DCDC2C: variants seen among roughly 807,000 people sequenced by gnomAD.
DCDC2C encodes doublecortin domain containing 2C.
A neutral mutation model predicts 45.0 loss-of-function variants in DCDC2C; 44 were observed. That is an observed-to-expected ratio of 0.98 (90% CI 0.77 to 1.26). DCDC2C has a LOEUF of 1.26. DCDC2C is among the 50% of genes most tolerant of loss of function. DCDC2C has a pLI of 0.00. For synonymous variants in DCDC2C, 187 were observed against 178.8 expected (o/e 1.05, Z -0.37); for missense variants, 447 against 468.9 (o/e 0.95, Z 0.43).
intron 8 of DCDC2C, among the ~76,000 whole-genome samples, chr2:3,773,544 G>A (rs1670244354): frequency 6.6e-6 from 1 of 152,106 alleles, no homozygotes; most frequent in Non-Finnish European, 1.5e-5. Context: ...CTTACAATCT[G>A]TGCAAAAAAG....
chr2:3,773,261 C>G (rs1463132920), intron 8 of DCDC2C, among the ~76,000 whole-genome samples: 1 of 151,892 alleles, frequency 6.6e-6, no homozygotes, highest in Non-Finnish European at 1.5e-5. Context: ...TTTTTTCCCT[C>G]CTAGGCTGCA....
At chr2:3,805,334 G>A (rs1481511991) in intron 10 of DCDC2C, among the ~76,000 whole-genome samples, 2 of 152,214 alleles carry the variant, frequency 1.3e-5, no homozygotes, top group Non-Finnish European at 2.9e-5. Context: ...GGTGGAGAAA[G>A]GCTCAGAGTG....
chr2:3,803,853 C>T (rs1671169871), intron 10 of DCDC2C, among the ~76,000 whole-genome samples: 1 of 152,202 alleles, frequency 6.6e-6, no homozygotes, highest in Non-Finnish European at 1.5e-5. Context: ...CAGGTCAGCC[C>T]CTGGCTTTGC....
chr2:3,723,935 G>GC (rs1055118518), intron 2 of DCDC2C, among the ~76,000 whole-genome samples: 1 of 151,974 alleles, frequency 6.6e-6, no homozygotes, highest in African/African-American at 2.4e-5. Flanking sequence ...TACCTGAACA[G>GC]CCCCCCTTCC....
chr2:3,711,676 C>T (rs1390178366), intron 2 of DCDC2C, among the ~76,000 whole-genome samples: 1 of 152,136 alleles, frequency 6.6e-6, no homozygotes, highest in African/African-American at 2.4e-5. Flanking sequence ...GTAGCTCATC[C>T]TCTTTGAGCA....
At chr2:3,793,763 C>T (rs981706225) in intron 10 of DCDC2C, among the ~76,000 whole-genome samples, 3 of 152,140 alleles carry the variant, frequency 2.0e-5, no homozygotes, top group Non-Finnish European at 4.4e-5. Context: ...AAGGTGTAGA[C>T]CAGGTCACTG....
chr2:3,733,701 A>T (rs1558569132), intron 3 of DCDC2C, among the ~76,000 whole-genome samples: 2 of 152,130 alleles, frequency 1.3e-5, no homozygotes, highest in African/African-American at 4.8e-5. Context: ...GGCCTCTTTT[A>T]TAAGGACACT....
intron 6 of DCDC2C, 114 bp downstream of exon 6, chr2:3,754,748 C>T: frequency 1.1e-6 from 1 of 873,032 alleles, no homozygotes. Context: ...GCATCAGTGC[C>T]AGGGCCTGGG....
intron 1 of DCDC2C, among the ~76,000 whole-genome samples, chr2:3,705,544 A>G (rs1007199622): frequency 6.6e-6 from 1 of 152,218 alleles, no homozygotes; most frequent in African/African-American, 2.4e-5. Context: ...AATGAAAAGT[A>G]TTTAATTTTA....
In DCDC2C at chr2:3,834,416, C is replaced by T. The variant is rs537412839; in HGVS notation, c.1066-12738C>T. Among the ~76,000 whole-genome samples the T allele has an allele frequency of 4.6e-5, 7 of 152,300 alleles. No homozygotes were observed. In the South Asian group the frequency reaches 6.2e-4, roughly 14 times the overall value. ...GGTCTCTTTACTACCTCCATGGTTTCACCGGTTCCAGAATGTCATAGAGTT... is the reference window on the plus strand; with the variant it reads ...GGTCTCTTTACTACCTCCATGGTTTTACCGGTTCCAGAATGTCATAGAGTT... On this transcript the variant is annotated intron_variant, in intron 10 of 10. Transcript: ENST00000399143.
At chr2:3,724,730 T>G (rs1054613807) in intron 2 of DCDC2C, among the ~76,000 whole-genome samples, 3 of 152,164 alleles carry the variant, frequency 2.0e-5, no homozygotes, top group Non-Finnish European at 4.4e-5. Flanking sequence ...GGACCCTCCC[T>G]GCTGGGCCAG....
In DCDC2C at chr2:3,739,167, A is replaced by T. The variant is rs558555325; in HGVS notation, c.417-2753A>T. The stretch of plus-strand genomic sequence containing the variant: ...TATTTACAGGCTTATAAAAATGTGG[A>T]AATCTAGAAAAGCATAAAGAATAAA... On this transcript the variant is annotated intron_variant, in intron 3 of 10. Transcript: ENST00000399143. Among the ~76,000 whole-genome samples the T allele has an allele frequency of 3.3e-5, 5 of 152,374 alleles. No homozygotes were observed. In the East Asian group the frequency reaches 9.6e-4, roughly 29 times the overall value.
chr2:3,832,751 C>T (rs192746328), intron 10 of DCDC2C, among the ~76,000 whole-genome samples: 4 of 152,320 alleles, frequency 2.6e-5, no homozygotes, highest in African/African-American at 4.8e-5. Context: ...GCACTGAGCG[C>T]AGGGCTCAAG....
At chr2:3,789,528 A>G (rs1337254276) in intron 10 of DCDC2C, among the ~76,000 whole-genome samples, 1 of 152,222 alleles carries the variant, frequency 6.6e-6, no homozygotes, top group East Asian at 1.9e-4. Context: ...CTCATCCTTC[A>G]GGAAGCATAC....
At position 3,742,009 on chromosome 2, in the gene DCDC2C, C is replaced by T. The variant is rs1390983491; in HGVS notation, c.506C>T (p.Thr169Met). 1.7e-5 allele frequency: 26 copies of T among 1,547,452 alleles called. No individual in the cohort carries two copies. Among genetic ancestry groups the T allele is most frequent in the Middle Eastern group, 1.7e-4 (1 of 6,010 alleles). ...SLSDWDIVLA[T>M]IGEKVFPLGG... ...TCCGATTGGGACATCGTGCTGGCCA[C>T]GATCGGAGAAAAAGTCTTCCCTCTA... The change falls in exon 4 of 11, where the codon ACG becomes ATG. Residue 169 changes from threonine to methionine, a missense_variant. By Grantham distance (81) the Thr-to-Met change is moderately conservative. Transcript: ENST00000399143.
chr2:3,741,777 A>T, intron 3 of DCDC2C, 143 bp from the exon 4 acceptor site: 1 of 890,964 alleles, frequency 1.1e-6, no homozygotes, highest in African/African-American at 1.7e-5. Context: ...TAAGGTCCCC[A>T]ATAAGACATA....
At chr2:3,712,371 TAAAA>T (rs1668235779) in intron 2 of DCDC2C, among the ~76,000 whole-genome samples, 4 of 151,010 alleles carry the variant, frequency 2.6e-5, no homozygotes, top group African/African-American at 7.3e-5. Context: ...CCTAACGAAC[TAAAA>T]GACTTGTTGG....
At chr2:3,750,655 T>C (rs1206918303) in intron 4 of DCDC2C, among the ~76,000 whole-genome samples, 3 of 152,184 alleles carry the variant, frequency 2.0e-5, no homozygotes, top group Non-Finnish European at 4.4e-5. Flanking sequence ...GCCTTTAGGA[T>C]GCTGTCTGTG....
chr2:3,754,922 C>T (rs527635256), intron 6 of DCDC2C, among the ~76,000 whole-genome samples: 1 of 152,296 alleles, frequency 6.6e-6, no homozygotes, highest in East Asian at 1.9e-4. Context: ...TATATTTGGA[C>T]TTTTACGGGA....
Sources: gnomAD v4.1 joint callset for allele counts (sites outside exome capture counted in the v4.1 genomes callset) on GRCh38, gnomAD v4.1.1 for gene constraint, MANE v1.5 for transcripts, NCBI Gene and HGNC (gene_info 2026-07-23, HGNC 2026-07-21) for gene names.